The following TMEM38B variants were observed in gnomAD, a reference collection of about 807,000 sequenced individuals.
TMEM38B encodes the protein trimeric intracellular cation channel type B.
A neutral mutation model predicts 28.7 loss-of-function variants in TMEM38B; 24 were observed. That is an observed-to-expected ratio of 0.84 (90% CI 0.61 to 1.18). TMEM38B has a LOEUF of 1.18. Ranked by LOEUF, TMEM38B falls within the 50% of genes most tolerant of loss-of-function variation. The pLI is 0.00. For synonymous variants in TMEM38B, 131 were observed against 127.7 expected, an observed-to-expected ratio of 1.03 and a Z score of -0.17; for missense variants, 380 against 350.9, an observed-to-expected ratio of 1.08 and a Z score of -0.66.
intron 5 of TMEM38B, chr9:105,758,107 C>A (rs7855362): frequency 0.35 from 155,980 of 442,740 alleles, 30,535 homozygotes; most frequent in South Asian, 0.45. Flanking sequence ...CTGCCCAGGC[C>A]GCTGGGCCTG....
At chr9:105,739,874 AC>A (rs1172496767) in intron 4 of TMEM38B, among the ~76,000 whole-genome samples, 4 of 151,388 alleles carry the variant, frequency 2.6e-5, no homozygotes, top group Admixed American at 6.6e-5. Flanking sequence ...CTATTTAATT[AC>A]GTCTTTTTAA....
In TMEM38B at chr9:105,755,581, T is replaced by G. The variant is rs116246477; in HGVS notation, c.660+7391T>G. ...TGCCATATGAACTTTAGGAACAACT[T>G]CACAGTTTCTGCAAAGAAGCCAGCT... On this transcript the variant is annotated intron_variant, in intron 5 of 5. Coordinates refer to ENST00000374692, the MANE Select transcript of TMEM38B (RefSeq NM_018112.3). 5.8e-3 allele frequency among the ~76,000 whole-genome samples: 890 copies of G among 152,332 alleles called. 10 individuals are homozygous for G. The highest frequency in any genetic ancestry group is 0.021 in the African/African-American group (853 of 41,582).
intron 2 of TMEM38B, among the ~76,000 whole-genome samples, chr9:105,718,672 A>G (rs901660654): frequency 2.6e-4 from 39 of 152,342 alleles, no homozygotes; most frequent in Non-Finnish European, 4.4e-4. Flanking sequence ...GAGAAACAAT[A>G]ACTTGGTATG....
intron 4 of TMEM38B, among the ~76,000 whole-genome samples, chr9:105,741,543 A>G (rs139633436): frequency 2.6e-5 from 4 of 152,324 alleles, no homozygotes; most frequent in African/African-American, 9.6e-5. Context: ...AAGGAACATG[A>G]TATTGGGAAC....
At position 105,728,888 on chromosome 9, in the gene TMEM38B, G is replaced by T. The variant is rs143546197; in HGVS notation, c.542+6267G>T. On this transcript the variant is annotated intron_variant, in intron 4 of 5. Transcript: ENST00000374692. ...TGCATTAATGTCTTCTTTTGAGAAG[G>T]GTCTGTTCATATCCTTTGCCCACTT... 1.7e-3 allele frequency among the ~76,000 whole-genome samples: 252 copies of T among 151,996 alleles called. 1 individual carries two copies. The highest frequency in any genetic ancestry group is 5.8e-3 in the African/African-American group (239 of 41,450).
At chr9:105,743,709 C>G (rs1283185547) in intron 4 of TMEM38B, among the ~76,000 whole-genome samples, 1 of 152,104 alleles carries the variant, frequency 6.6e-6, no homozygotes, top group Non-Finnish European at 1.5e-5. Context: ...TCTCCTCTTC[C>G]ATAGAGCACC....
chr9:105,759,742 C>A, intron 5 of TMEM38B: 1 of 1,605,472 alleles, frequency 6.2e-7, no homozygotes, highest in Non-Finnish European at 8.5e-7. Flanking sequence ...GGAAAATATT[C>A]AAAAGCCATT....
intron 5 of TMEM38B, among the ~76,000 whole-genome samples, chr9:105,751,959 CATTTT>C (rs1160897091): frequency 6.6e-6 from 1 of 152,084 alleles, no homozygotes; most frequent in African/African-American, 2.4e-5. Flanking sequence ...GAGTGGCCGC[CATTTT>C]TGTGGTTTGG....
Position 105,694,578 on chromosome 9 carries a change from C to CT in TMEM38B, c.-82dup. On this transcript the variant is annotated 5_prime_UTR_variant, in exon 1 of 6. Transcript: ENST00000374692. Reference sequence around the variant, plus strand: ...GGCGCGGAGGAGCGGGCGGCCGCGGCTGTGCCCTCTCCTACTCCTCACCGC... The same window carrying CT: ...GGCGCGGAGGAGCGGGCGGCCGCGGCTTGTGCCCTCTCCTACTCCTCACCGC... 9.1e-7 allele frequency: 1 copy of CT among 1,093,966 alleles called. No individual in the cohort carries two copies. Among genetic ancestry groups the CT allele is most frequent in the Middle Eastern group, 2.8e-4 (1 of 3,542 alleles). 67.8% of individuals were successfully genotyped at this position (1,093,966 alleles called of 1,614,324 possible). A position where few individuals can be genotyped will look rare whatever the true frequency, so the allele number is the denominator to read the frequency against.
At chr9:105,717,605 T>C (rs1836154705) in intron 2 of TMEM38B, among the ~76,000 whole-genome samples, 1 of 152,160 alleles carries the variant, frequency 6.6e-6, no homozygotes, top group African/African-American at 2.4e-5. Context: ...TGATTCTATT[T>C]ATAAAACCTT....
At chr9:105,710,740 A>G (rs1188453165) in intron 2 of TMEM38B, 2 of 596,002 alleles carry the variant, frequency 3.4e-6, no homozygotes, top group African/African-American at 3.7e-5. Context: ...TATGTTCCTG[A>G]CAAACAGAGA....
At chr9:105,746,800 TTTG>T (rs1453904027) in intron 4 of TMEM38B, among the ~76,000 whole-genome samples, 1 of 152,220 alleles carries the variant, frequency 6.6e-6, no homozygotes, top group Admixed American at 6.5e-5. Context: ...GCTGTTGAAT[TTTG>T]TCAAAGGCTT....
intron 4 of TMEM38B, among the ~76,000 whole-genome samples, chr9:105,733,421 C>CTTTTTTTTTTTTTTTTT (rs71306454): frequency 7.8e-6 from 1 of 127,852 alleles, no homozygotes; most frequent in African/African-American, 2.8e-5. Context: ...TTTCTTTTTT[C>CTTTTTTTTTTTTTTTTT]TTTTTTTTTT....
chr9:105,752,839 A>T (rs574975735), intron 5 of TMEM38B, among the ~76,000 whole-genome samples: 1 of 152,344 alleles, frequency 6.6e-6, no homozygotes, highest in Admixed American at 6.5e-5. Flanking sequence ...TGACAAAAGT[A>T]GGCTTCAGAA....
At chr9:105,748,247 A>G (rs1240543619) in intron 5 of TMEM38B, 57 bp downstream of exon 5, 26 of 1,303,202 alleles carry the variant, frequency 2.0e-5, no homozygotes, top group Non-Finnish European at 2.6e-5. Context: ...TTCCCCTTTG[A>G]TACAATTTTG....
chr9:105,758,462 A>C, intron 5 of TMEM38B: 1 of 1,362,258 alleles, frequency 7.3e-7, no homozygotes, highest in South Asian at 1.2e-5. Context: ...GTTTCACAGC[A>C]GGAGAAGCAG....
intron 5 of TMEM38B, chr9:105,760,319 C>G: frequency 1.3e-6 from 1 of 776,282 alleles, no homozygotes; most frequent in Non-Finnish European, 2.4e-6. Flanking sequence ...AAGCTTCTGG[C>G]TGGAAGATTA....
At chr9:105,707,979 C>T (rs752437132) in intron 2 of TMEM38B, among the ~76,000 whole-genome samples, 48 of 152,110 alleles carry the variant, frequency 3.2e-4, no homozygotes, top group Admixed American at 6.6e-4. Context: ...TGAAACTATA[C>T]AAAAAGGAAG....
At chr9:105,699,106 T>A (rs929741583) in intron 1 of TMEM38B, among the ~76,000 whole-genome samples, 1 of 152,118 alleles carries the variant, frequency 6.6e-6, no homozygotes, top group African/African-American at 2.4e-5. Context: ...TATGTCTTTT[T>A]TTCTTCTAAC....
Sources: gnomAD v4.1 joint callset for allele counts (sites outside exome capture counted in the v4.1 genomes callset) on GRCh38, gnomAD v4.1.1 for gene constraint, MANE v1.5 for transcripts, NCBI Gene and HGNC (gene_info 2026-07-23, HGNC 2026-07-21) for gene names.